The following FAM3B variants were observed in gnomAD, a reference collection of about 807,000 sequenced individuals.
FAM3B encodes the protein protein FAM3B.
FAM3B carries 29 observed loss-of-function variants against 28.4 expected under a neutral mutation model. The observed-to-expected ratio is 1.02, with a 90% CI of 0.76 to 1.39. FAM3B has a LOEUF of 1.39. Among genes scored for constraint, FAM3B ranks in the 40% most tolerant of loss-of-function variants. FAM3B has a pLI of 0.00. For synonymous variants in FAM3B, 91 were observed against 103.0 expected (o/e 0.88, Z 0.71); for missense variants, 266 against 293.9 (o/e 0.91, Z 0.69).
At chr21:41,349,136 TTGC>T (rs893610392) in intron 7 of FAM3B, among the ~76,000 whole-genome samples, 9 of 152,044 alleles carry the variant, frequency 5.9e-5, no homozygotes, top group Middle Eastern at 3.2e-3. Context: ...CTGGCTTCCA[TTGC>T]TGCTGCTGCT....
intron 4 of FAM3B, 114 bp from the exon 5 acceptor site, chr21:41,345,572 G>C (rs1484421527): frequency 2.1e-5 from 13 of 621,568 alleles, no homozygotes; most frequent in Non-Finnish European, 3.4e-5. Context: ...TTACATCAGT[G>C]GTGTTTGCTG....
chr21:41,317,155 G>T (rs1176333383), intron 1 of FAM3B, among the ~76,000 whole-genome samples: 1 of 152,224 alleles, frequency 6.6e-6, no homozygotes, highest in African/African-American at 2.4e-5. Flanking sequence ...CGCCGCCCCA[G>T]CCGGGGTGCA....
At position 41,352,988 on chromosome 21, in the gene FAM3B, A is replaced by G. The variant is rs975359729; in HGVS notation, c.619-4120A>G. Among the ~76,000 whole-genome samples, 3 of 152,168 alleles carry G rather than the reference A, an allele frequency of 2.0e-5. No homozygotes were observed. The South Asian group carries it at 6.2e-4, about 31-fold the overall frequency. On this transcript the variant is annotated intron_variant, in intron 7 of 7. Transcript: ENST00000357985. ...GCGAAGTTGCAGGATACAAAAATCAATGGAAAAACTCAATTATACTTCTCT... is the reference window on the plus strand; with the variant it reads ...GCGAAGTTGCAGGATACAAAAATCAGTGGAAAAACTCAATTATACTTCTCT...
chr21:41,315,317 T>A (rs927632982), upstream of FAM3B, among the ~76,000 whole-genome samples: 1 of 152,142 alleles, frequency 6.6e-6, no homozygotes, highest in African/African-American at 2.4e-5. Flanking sequence ...GAGTACAGAA[T>A]TTTAGTTTTG....
At chr21:41,322,804 C>A in intron 1 of FAM3B, 119 bp from the exon 2 acceptor site, 3 of 1,501,188 alleles carry the variant, frequency 2.0e-6, no homozygotes, top group Non-Finnish European at 2.8e-6. Context: ...AGCACAGTGC[C>A]TATAGCGCAG....
chr21:41,312,620 A>G (rs2088721279), upstream of FAM3B, among the ~76,000 whole-genome samples: 2 of 152,212 alleles, frequency 1.3e-5, no homozygotes, highest in Non-Finnish European at 2.9e-5. Context: ...AAAGAAAAGC[A>G]TGTACAATTC....
At chr21:41,312,412 A>G (rs1030511917), upstream of FAM3B, among the ~76,000 whole-genome samples, 5 of 152,194 alleles carry the variant, frequency 3.3e-5, no homozygotes, top group Admixed American at 3.3e-4. Flanking sequence ...GAGGATGAGA[A>G]CAAAAAGTGC....
chr21:41,304,406 C>G, intron 1 of FAM3B: 1 of 413,150 alleles, frequency 2.4e-6, no homozygotes, highest in Non-Finnish European at 4.8e-6. Flanking sequence ...GAGGGAGTCG[C>G]CCCCGAAGGG....
At chr21:41,353,964 T>C (rs1244186755) in intron 7 of FAM3B, among the ~76,000 whole-genome samples, 2 of 151,836 alleles carry the variant, frequency 1.3e-5, no homozygotes, top group Non-Finnish European at 2.9e-5. Flanking sequence ...AATATCCCAT[T>C]AAAAAGACAA....
At position 41,344,533 on chromosome 21, in the gene FAM3B, C is replaced by T; in HGVS notation, c.345C>T (p.Asn115=). 2 of 1,612,644 alleles carry T rather than the reference C, an allele frequency of 1.2e-6. No individual in the cohort carries two copies. The highest frequency in any genetic ancestry group is 8.5e-7 in the Non-Finnish European group (1 of 1,178,600). The change falls in exon 4 of 8, where the codon AAC becomes AAT. Residue 115 remains asparagine (N), a splice_region_variant and synonymous_variant. Transcript: ENST00000357985. Reference sequence around the variant, plus strand: ...GAGGAATAAACATTGCCATTGTCAACTGTAAGTTACTAAACATTTTCTTTA... The same window carrying T: ...GAGGAATAAACATTGCCATTGTCAATTGTAAGTTACTAAACATTTTCTTTA... ...VARGINIAIV[N]YVTGNVTATR...
intron 2 of FAM3B, among the ~76,000 whole-genome samples, chr21:41,323,888 A>G (rs918888354): frequency 1.3e-5 from 2 of 152,130 alleles, no homozygotes; most frequent in Admixed American, 6.5e-5. Flanking sequence ...GTAAGAGAAC[A>G]CCATAGACTG....
At chr21:41,354,491 A>G (rs2089147572) in intron 7 of FAM3B, among the ~76,000 whole-genome samples, 1 of 152,228 alleles carries the variant, frequency 6.6e-6, no homozygotes, top group Non-Finnish European at 1.5e-5. Context: ...ATGAAATAAT[A>G]TGCAGCCATA....
chr21:41,345,553 G>A (rs1473613415), intron 4 of FAM3B, 133 bp from the exon 5 acceptor site: 1 of 574,308 alleles, frequency 1.7e-6, no homozygotes, highest in East Asian at 3.2e-5. Flanking sequence ...GTCTCTGCAG[G>A]CTGGGTCATT....
chr21:41,333,093 T>G (rs2088921598), intron 2 of FAM3B, among the ~76,000 whole-genome samples: 1 of 151,950 alleles, frequency 6.6e-6, no homozygotes, highest in African/African-American at 2.4e-5. Context: ...TAGAACTGTT[T>G]TGCTGTATGT....
rs1223656505 is a variant in FAM3B, at chr21:41,326,170, G to C, written c.163+3104G>C. Among the ~76,000 whole-genome samples the C allele has an allele frequency of 6.6e-6, 1 of 152,188 alleles. No homozygotes were observed. Among genetic ancestry groups the C allele is most frequent in the Non-Finnish European group, 1.5e-5 (1 of 68,028 alleles). On this transcript the variant is annotated intron_variant, in intron 2 of 7. Coordinates refer to ENST00000357985, the MANE Select transcript of FAM3B (RefSeq NM_058186.4). This position sits in a 1 kb window ranked among gnomAD's most constrained non-coding sequence, Gnocchi z 4.0. ...GATTGTTTGGGGGAAGGAATTTCAG[G>C]AAAAGCACTGAAGACCTAGATGTGG...
At chr21:41,334,182 G>C (rs2088932533) in intron 2 of FAM3B, among the ~76,000 whole-genome samples, 1 of 152,230 alleles carries the variant, frequency 6.6e-6, no homozygotes, top group South Asian at 2.1e-4. Context: ...TGGAAAATGT[G>C]CAGCCTGGCC....
intron 7 of FAM3B, among the ~76,000 whole-genome samples, chr21:41,356,074 CACACACACACAT>C (rs796168819): frequency 8.0e-5 from 12 of 150,650 alleles, no homozygotes; most frequent in Admixed American, 2.6e-4. Flanking sequence ...CACACACACA[CACACACACACAT>C]AGTTTTACTC....
chr21:41,353,870 T>C (rs926608684), intron 7 of FAM3B, among the ~76,000 whole-genome samples: 1 of 152,172 alleles, frequency 6.6e-6, no homozygotes, highest in Admixed American at 6.5e-5. Flanking sequence ...ACCTTTAGAA[T>C]GGGAGAAAAT....
intron 1 of FAM3B, among the ~76,000 whole-genome samples, chr21:41,310,130 C>G (rs2123684047): frequency 6.6e-6 from 1 of 152,272 alleles, no homozygotes; most frequent in East Asian, 1.9e-4. Context: ...GCCTCAACAT[C>G]TTCCTTGTCT....
Sources: allele counts gnomAD v4.1 joint callset (sites outside exome capture counted in the v4.1 genomes callset), GRCh38; gene constraint gnomAD v4.1.1; non-coding constraint Gnocchi (gnomAD v3.1); transcripts MANE v1.5; gene names NCBI Gene and HGNC (gene_info 2026-07-23, HGNC 2026-07-21).